Variants in SLC6A2 observed in about 807,000 individuals in gnomAD.
The protein encoded by SLC6A2 is solute carrier family 6 member 2.
In SLC6A2, 26 loss-of-function variants were observed where a neutral mutation model predicts 71.7. The ratio of observed to expected loss-of-function variants is 0.36; its 90% CI spans 0.27 to 0.50. The LOEUF (loss-of-function observed/expected upper bound fraction) is 0.50, where lower values mean the gene tolerates loss of function less well. Among genes scored for constraint, SLC6A2 ranks in the 20% least tolerant of loss-of-function variants. The pLI is 0.96. For missense variants in SLC6A2, 581 were observed against 803.9 expected, an observed-to-expected ratio of 0.72 and a Z score of 3.35; for synonymous variants, 363 against 337.9, an observed-to-expected ratio of 1.07 and a Z score of -0.82.
Position 55,705,445 on chromosome 16 carries a change from TC to T in SLC6A2, c.*3101del. 1.8e-6 allele frequency: 1 copy of T among 569,304 alleles called. No individual in the cohort carries two copies. The allele number at this position is 569,304 out of a possible 1,614,324, so 35.3% of individuals were successfully genotyped here. Reference sequence around the variant, plus strand: ...ATTGAACTCACTTTATTTGTTTATTTCCTTCGAAAGCCACCGAAGAGAGAAA... The same window carrying T: ...ATTGAACTCACTTTATTTGTTTATTTCTTCGAAAGCCACCGAAGAGAGAAA... On this transcript the variant is annotated 3_prime_UTR_variant, in exon 15 of 15. Transcript: ENST00000568943.
At chr16:55,699,807 G>T (rs1479783274) in intron 12 of SLC6A2, among the ~76,000 whole-genome samples, 153 bp downstream of exon 12, 1 of 151,976 alleles carries the variant, frequency 6.6e-6, no homozygotes, top group Non-Finnish European at 1.5e-5. Context: ...TGGCCCTGTG[G>T]ATAACGTGGT....
At chr16:55,676,350 G>A (rs1336771147) in intron 4 of SLC6A2, among the ~76,000 whole-genome samples, 3 of 152,084 alleles carry the variant, frequency 2.0e-5, no homozygotes, top group African/African-American at 7.2e-5. Flanking sequence ...TTTGATTTAA[G>A]CCTCACCCAC....
chr16:55,657,064 G>A, intron 2 of SLC6A2, 96 bp downstream of exon 2: 1 of 1,396,746 alleles, frequency 7.2e-7, no homozygotes. Context: ...GAAGGGAGGC[G>A]AGGAGACAGG....
In SLC6A2 at chr16:55,656,620, C is replaced by A; in HGVS notation, c.-51-24C>A. On this transcript the variant is annotated intron_variant, in intron 1 of 14. Transcript: ENST00000568943. This position sits in a 1 kb window ranked among gnomAD's most constrained non-coding sequence, Gnocchi z 4.5. ...GTAGGGAGGAACGGCCGGGTAACCA[C>A]CTCTTTTCCCTTTATCCAAGCAGAG... is the stretch of plus-strand genomic sequence containing the variant. 2 of 1,590,572 alleles carry A rather than the reference C, an allele frequency of 1.3e-6. No individual in the cohort carries two copies. Among genetic ancestry groups the A allele is most frequent in the Non-Finnish European group, 1.7e-6 (2 of 1,163,832 alleles).
At chr16:55,681,645 T>C (rs1414349134) in intron 4 of SLC6A2, among the ~76,000 whole-genome samples, 1 of 152,230 alleles carries the variant, frequency 6.6e-6, no homozygotes, top group Non-Finnish European at 1.5e-5. Flanking sequence ...TGGAAACAAA[T>C]TTTAATTCCT....
At chr16:55,699,734 C>T (rs1965911588) in intron 12 of SLC6A2, 80 bp downstream of exon 12, 1 of 1,046,492 alleles carries the variant, frequency 9.6e-7, no homozygotes, top group African/African-American at 1.6e-5. Flanking sequence ...ATATTTGCTT[C>T]TTAGGGGAGG....
intron 4 of SLC6A2, among the ~76,000 whole-genome samples, chr16:55,678,487 T>C (rs1965165874): frequency 6.6e-6 from 1 of 152,198 alleles, no homozygotes. Context: ...CCTGTACTCA[T>C]TTAGGCTGAT....
At chr16:55,671,445 A>G (rs774520894) in intron 3 of SLC6A2, among the ~76,000 whole-genome samples, 12 of 152,194 alleles carry the variant, frequency 7.9e-5, no homozygotes, top group Non-Finnish European at 1.5e-4. Flanking sequence ...GCAATCTGCT[A>G]TAGCACGTTT....
chr16:55,676,315 C>A (rs189001201), intron 4 of SLC6A2, among the ~76,000 whole-genome samples: 24 of 152,314 alleles, frequency 1.6e-4, no homozygotes, highest in Admixed American at 9.2e-4. Context: ...ATGAGGTTTT[C>A]TGCTAACTTC....
At chr16:55,699,342 T>G (rs1965898453) in intron 11 of SLC6A2, among the ~76,000 whole-genome samples, 1 of 152,154 alleles carries the variant, frequency 6.6e-6, no homozygotes, top group Non-Finnish European at 1.5e-5. Context: ...ACAGGTGAAT[T>G]GGGGTGACAC....
In SLC6A2 at chr16:55,685,171, A is replaced by C; in HGVS notation, c.673A>C (p.Ser225Arg). ...TGGTGTCCTGCACCTTCACGAGAGC[A>C]GCGGGATTCATGACATCGGCCTGCC... ...ERGVLHLHES[S>R]GIHDIGLPQW... Residue 225 changes from serine to arginine, a missense_variant, in exon 5 of 15, where the codon AGC (serine) becomes CGC (arginine). Ser to Arg is a moderately radical substitution (Grantham distance 110). Around this residue, in one of 5 missense-constraint regions of SLC6A2, gnomAD observed 87 missense variants for 99.5 expected, o/e 0.87. Coordinates refer to ENST00000568943, the MANE Select transcript of SLC6A2 (RefSeq NM_001172501.3). The C allele has an allele frequency of 6.2e-7, 1 of 1,614,140 alleles. No individual in the cohort carries two copies. Among genetic ancestry groups the C allele is most frequent in the Non-Finnish European group, 8.5e-7 (1 of 1,180,012 alleles).
At chr16:55,660,374 G>A (rs905642093) in intron 2 of SLC6A2, among the ~76,000 whole-genome samples, 5 of 152,160 alleles carry the variant, frequency 3.3e-5, no homozygotes, top group African/African-American at 1.2e-4. Context: ...TTGGTGTTAG[G>A]GAGCAGTGCA....
At chr16:55,675,400 G>C (rs1304410759) in intron 4 of SLC6A2, among the ~76,000 whole-genome samples, 2 of 152,236 alleles carry the variant, frequency 1.3e-5, no homozygotes, top group African/African-American at 4.8e-5. Flanking sequence ...TAAGATCATA[G>C]AGTAAATATT....
intron 3 of SLC6A2, among the ~76,000 whole-genome samples, chr16:55,670,875 G>A (rs1209660014): frequency 5.3e-5 from 8 of 152,126 alleles, no homozygotes; most frequent in African/African-American, 9.7e-5. Flanking sequence ...GAGTAGCCTC[G>A]CCAACACCTC....
Position 55,669,422 on chromosome 16 carries a change from A to G in SLC6A2, c.275-143A>G, listed in dbSNP as rs939049462. 53 of 750,020 alleles carry G rather than the reference A, an allele frequency of 7.1e-5. No homozygotes were observed. The South Asian group carries it at 7.6e-4, about 11-fold the overall frequency. The allele number at this position is 750,020 out of a possible 1,614,324, so 46.5% of individuals were successfully genotyped here. A position where few individuals can be genotyped will look rare whatever the true frequency, so the allele number is the denominator to read the frequency against. On this transcript the variant is annotated intron_variant, in intron 2 of 14. Transcript: ENST00000568943. Reference sequence around the variant, plus strand: ...CCACAAATATTCTTACTCTTATGATAATTAGTATTGATTGCTGCGCGTCGC... The same window carrying G: ...CCACAAATATTCTTACTCTTATGATGATTAGTATTGATTGCTGCGCGTCGC...
Position 55,702,670 on chromosome 16 carries a change from T to C in SLC6A2, c.*324T>C. 1 of 1,268,162 alleles carries C rather than the reference T, an allele frequency of 7.9e-7. No homozygotes were observed. The allele number at this position is 1,268,162 out of a possible 1,614,324, so 78.6% of individuals were successfully genotyped here. On this transcript the variant is annotated 3_prime_UTR_variant, in exon 15 of 15. Transcript: ENST00000568943. ...ATGAGGTCGGAAATCCCCACCACAT[T>C]TGCCTAGACTTTGGGCACAGGAGTT...
chr16:55,679,012 G>T (rs1377283560), intron 4 of SLC6A2, among the ~76,000 whole-genome samples: 1 of 152,120 alleles, frequency 6.6e-6, no homozygotes. Context: ...GGGCCTGTTG[G>T]GGGGCATTTC....
intron 5 of SLC6A2, among the ~76,000 whole-genome samples, chr16:55,686,285 C>T (rs1002779297): frequency 6.6e-6 from 1 of 152,174 alleles, no homozygotes; most frequent in Non-Finnish European, 1.5e-5. Context: ...GTTGGAGCTG[C>T]CAACCAGAGC....
At position 55,697,904 on chromosome 16, in the gene SLC6A2, G is replaced by C; in HGVS notation, c.1268G>C (p.Gly423Ala). The change falls in exon 10 of 15, where the codon GGC (glycine) becomes GCC (alanine). Residue 423 changes from glycine to alanine, a missense_variant. Physicochemically the swap from Gly to Ala is moderately conservative, Grantham distance 60. Around this residue, in one of 5 missense-constraint regions of SLC6A2, gnomAD observed 334 missense variants for 449.0 expected, o/e 0.74. Coordinates refer to ENST00000568943, the MANE Select transcript of SLC6A2 (RefSeq NM_001172501.3). ...LALGLDSSMGGMEAVITGLAD... is the reference protein window; with the variant it reads ...LALGLDSSMGAMEAVITGLAD... ...CCTCCTGGTTCCCTCCAGATGGGAG[G>C]CATGGAGGCTGTCATCACGGGCCTG... The C allele has an allele frequency of 1.2e-6, 2 of 1,614,026 alleles. No individual in the cohort carries two copies. The highest frequency in any genetic ancestry group is 1.7e-6 in the Non-Finnish European group (2 of 1,179,994).
Sources: gnomAD v4.1 joint callset for allele counts (sites outside exome capture counted in the v4.1 genomes callset) on GRCh38, gnomAD v4.1.1 for gene constraint, gnomAD v4.1.1 regional missense constraint, Gnocchi (gnomAD v3.1) non-coding constraint, MANE v1.5 for transcripts, NCBI Gene and HGNC (gene_info 2026-07-23, HGNC 2026-07-21) for gene names.